Variants in PDE11A observed in about 807,000 individuals in gnomAD.
PDE11A encodes the protein dual 3',5'-cyclic-AMP and -GMP phosphodiesterase 11A.
A neutral mutation model predicts 100.5 loss-of-function variants in PDE11A; 100 were observed. The observed-to-expected ratio is 1.00, with a 90% CI of 0.85 to 1.18. PDE11A has a LOEUF of 1.18. Ranked by LOEUF, PDE11A falls within the 50% of genes most tolerant of loss-of-function variation. PDE11A has a pLI of 0.00. For synonymous variants in PDE11A, 381 were observed against 420.8 expected (o/e 0.91, Z 1.16); for missense variants, 1,141 against 1,152.6 (o/e 0.99, Z 0.15).
At chr2:178,008,061 C>T (rs192587168) in intron 2 of PDE11A, among the ~76,000 whole-genome samples, 120 of 151,276 alleles carry the variant, frequency 7.9e-4, no homozygotes, top group African/African-American at 2.9e-3. Flanking sequence ...GAAATGTAGG[C>T]AGAAAAGGAA....
intron 19 of PDE11A, among the ~76,000 whole-genome samples, chr2:177,639,845 G>C (rs2080112885): frequency 6.6e-6 from 1 of 152,124 alleles, no homozygotes. Context: ...GAAAATGTGA[G>C]TACTCCTATA....
chr2:177,950,427 A>G (rs2085492498), intron 2 of PDE11A, among the ~76,000 whole-genome samples: 1 of 152,112 alleles, frequency 6.6e-6, no homozygotes, highest in Non-Finnish European at 1.5e-5. Flanking sequence ...CTTCATCCTC[A>G]AAGTCTGGTA....
chr2:178,014,877 G>T (rs549820118), intron 1 of PDE11A, among the ~76,000 whole-genome samples: 166 of 92,274 alleles, frequency 1.8e-3, no homozygotes, highest in African/African-American at 4.6e-3. Context: ...AAATGATCCT[G>T]TGAAAAAAAA....
chr2:178,012,970 C>T (rs946738351), intron 2 of PDE11A, among the ~76,000 whole-genome samples: 3 of 152,196 alleles, frequency 2.0e-5, no homozygotes, highest in African/African-American at 7.2e-5. Flanking sequence ...CTTTATCTTA[C>T]ATTCCATGGA....
rs908941043 is a variant in PDE11A, at chr2:177,908,769, C to T, written c.1072-3582G>A. 3.9e-5 allele frequency among the ~76,000 whole-genome samples: 6 copies of T among 152,234 alleles called. No individual in the cohort carries two copies. The Middle Eastern group carries it at 0.01, about 259-fold the overall frequency. On this transcript the variant is annotated intron_variant, in intron 2 of 19. Transcript: ENST00000286063. ...CCCAGTGGGAACACTGCAGTGTCCC[C>T]GGAAGCCTAGGAACAGCCCAACATC...
Position 178,014,499 on chromosome 2 carries a change from T to C in PDE11A, c.913-39A>G, listed in dbSNP as rs370815112. ...AAAGAAAGCATTAACTGCATGTGCA[T>C]TGTTGTCAGGGAGAAGGAGAGAGAG... is the stretch of plus-strand genomic sequence containing the variant. On this transcript the variant is annotated intron_variant, in intron 1 of 19. Transcript: ENST00000286063. 4 of 1,554,454 alleles carry C rather than the reference T, an allele frequency of 2.6e-6. No individual in the cohort carries two copies. The African/African-American group carries it at 4.1e-5, about 16-fold the overall frequency.
At chr2:177,664,938 C>A (rs2080545875) in intron 18 of PDE11A, among the ~76,000 whole-genome samples, 1 of 152,164 alleles carries the variant, frequency 6.6e-6, no homozygotes, top group Non-Finnish European at 1.5e-5. Flanking sequence ...GAAAATCCTG[C>A]ATCGTTCAGA....
chr2:177,897,920 GT>G, intron 4 of PDE11A, 137 bp downstream of exon 4: 1 of 715,252 alleles, frequency 1.4e-6, no homozygotes, highest in South Asian at 1.6e-5. Context: ...TAAAAAACTT[GT>G]TTGATGAAAA....
rs1193955401 is a variant in PDE11A at position 177,624,992 on chromosome 2, G to T, written c.*4415C>A. On this transcript the variant is annotated 3_prime_UTR_variant, in exon 20 of 20. Transcript: ENST00000286063. Reference sequence around the variant, plus strand: ...GGCTGAGGCAGGAAAGATCACTTAAGTTGGAGAGGTCAAGGCTGCAGTGGC... The same window carrying T: ...GGCTGAGGCAGGAAAGATCACTTAATTTGGAGAGGTCAAGGCTGCAGTGGC... 6.6e-6 allele frequency: 1 copy of T among 152,372 alleles called. No individual in the cohort carries two copies. Among genetic ancestry groups the T allele is most frequent in the East Asian group, 1.9e-4 (1 of 5,190 alleles). The allele number at this position is 152,372 out of a possible 1,614,324, so 9.4% of individuals were successfully genotyped here.
intron 10 of PDE11A, among the ~76,000 whole-genome samples, chr2:177,733,149 A>C (rs987974264): frequency 6.6e-6 from 1 of 152,228 alleles, no homozygotes; most frequent in African/African-American, 2.4e-5. Flanking sequence ...AAACAAATCA[A>C]AGTCAATTTC....
intron 1 of PDE11A, among the ~76,000 whole-genome samples, chr2:178,035,727 A>C (rs921194029): frequency 1.3e-5 from 2 of 152,196 alleles, no homozygotes; most frequent in Non-Finnish European, 2.9e-5. Context: ...TTCAACATAC[A>C]CAAATCAATA....
intron 5 of PDE11A, among the ~76,000 whole-genome samples, chr2:177,875,479 T>G (rs924702773): frequency 6.6e-6 from 1 of 151,610 alleles, no homozygotes; most frequent in African/African-American, 2.4e-5. Flanking sequence ...CCAGGTTCAC[T>G]CCATTCTCCT....
At chr2:177,720,327 G>A (rs551627731) in intron 12 of PDE11A, among the ~76,000 whole-genome samples, 9 of 151,988 alleles carry the variant, frequency 5.9e-5, no homozygotes, top group South Asian at 4.2e-4. Flanking sequence ...ACTGGATGTC[G>A]CAGCATACCT....
intron 12 of PDE11A, among the ~76,000 whole-genome samples, chr2:177,726,887 A>G (rs1301218937): frequency 1.3e-5 from 2 of 152,078 alleles, no homozygotes; most frequent in African/African-American, 2.4e-5. Context: ...GTGTGTATAT[A>G]TAACTATGAA....
intron 9 of PDE11A, among the ~76,000 whole-genome samples, chr2:177,776,074 G>C (rs2082373364): frequency 6.6e-6 from 1 of 152,106 alleles, no homozygotes; most frequent in African/African-American, 2.4e-5. Context: ...CTCACTGTTT[G>C]TATTATTAAT....
At chr2:177,938,527 A>G (rs1002377448) in intron 2 of PDE11A, among the ~76,000 whole-genome samples, 2 of 152,106 alleles carry the variant, frequency 1.3e-5, no homozygotes, top group Non-Finnish European at 2.9e-5. Context: ...CTCACATCCC[A>G]TTGACCTGGC....
chr2:177,721,637 C>A (rs1559159894), intron 12 of PDE11A, among the ~76,000 whole-genome samples: 1 of 151,950 alleles, frequency 6.6e-6, no homozygotes, highest in African/African-American at 2.4e-5. Context: ...TTTTTGAGGA[C>A]AAGGACGGTA....
At chr2:178,049,148 T>C (rs1038079149) in intron 1 of PDE11A, among the ~76,000 whole-genome samples, 12 of 152,254 alleles carry the variant, frequency 7.9e-5, no homozygotes, top group African/African-American at 2.9e-4. Context: ...GTAACCTTAA[T>C]ATTCCAATAT....
chr2:177,738,955 A>G (rs960879149), intron 10 of PDE11A, among the ~76,000 whole-genome samples: 6 of 152,256 alleles, frequency 3.9e-5, no homozygotes, highest in Admixed American at 2.0e-4. Context: ...CAAACAGCTA[A>G]GCCTAATGAA....
Sources: gnomAD v4.1 joint callset for allele counts (sites outside exome capture counted in the v4.1 genomes callset) on GRCh38, gnomAD v4.1.1 for gene constraint, MANE v1.5 for transcripts, NCBI Gene and HGNC (gene_info 2026-07-23, HGNC 2026-07-21) for gene names.